GALNTL6: variants seen among roughly 807,000 people sequenced by gnomAD.
GALNTL6 encodes polypeptide N-acetylgalactosaminyltransferase-like 6.
GALNTL6 carries 46 observed loss-of-function variants against 73.7 expected under a neutral mutation model. The ratio of observed to expected loss-of-function variants is 0.62; its 90% CI spans 0.49 to 0.80. The LOEUF (loss-of-function observed/expected upper bound fraction) is 0.80, where lower values mean the gene tolerates loss of function less well. Among genes scored for constraint, GALNTL6 ranks in the 30% least tolerant of loss-of-function variants. The pLI, the probability that GALNTL6 is intolerant of heterozygous loss-of-function variation, is 0.00. For missense variants in GALNTL6, 604 were observed against 755.0 expected (o/e 0.80, Z 2.34); for synonymous variants, 259 against 263.7 (o/e 0.98, Z 0.17).
chr4:172,033,701 T>C (rs1318951987), intron 2 of GALNTL6, among the ~76,000 whole-genome samples: 1 of 152,156 alleles, frequency 6.6e-6, no homozygotes, highest in Non-Finnish European at 1.5e-5. Context: ...TAAATTTGGA[T>C]TGAACACAGC....
chr4:171,920,482 C>A (rs114194391), intron 2 of GALNTL6, among the ~76,000 whole-genome samples: 2,393 of 151,804 alleles, frequency 0.016, 67 homozygotes, highest in African/African-American at 0.055. Flanking sequence ...TGTAGGAGTC[C>A]TAACTAACTA....
At chr4:172,056,816 A>T (rs1367566432) in intron 2 of GALNTL6, among the ~76,000 whole-genome samples, 1 of 152,048 alleles carries the variant, frequency 6.6e-6, no homozygotes, top group East Asian at 1.9e-4. Context: ...TTTCATCAGT[A>T]TGCAAAAAAA....
At chr4:172,286,581 G>T (rs1482500541) in intron 3 of GALNTL6, among the ~76,000 whole-genome samples, 1 of 152,204 alleles carries the variant, frequency 6.6e-6, no homozygotes, top group African/African-American at 2.4e-5. Flanking sequence ...ATGGGCTAAT[G>T]ATTTTGGAGA....
At chr4:172,802,429 T>G (rs1270962698) in intron 5 of GALNTL6, among the ~76,000 whole-genome samples, 1 of 151,946 alleles carries the variant, frequency 6.6e-6, no homozygotes, top group Non-Finnish European at 1.5e-5. Context: ...CTGAAGAAAC[T>G]CCCCAGACCT....
intron 10 of GALNTL6, among the ~76,000 whole-genome samples, chr4:172,981,845 C>G (rs1040826142): frequency 7.0e-6 from 1 of 143,356 alleles, no homozygotes; most frequent in Non-Finnish European, 1.5e-5. Flanking sequence ...TCTTGTTGCC[C>G]AGGCTGGAGT....
At position 172,757,767 on chromosome 4, in the gene GALNTL6, A is replaced by G. The variant is rs139957154; in HGVS notation, c.554-51594A>G. The stretch of plus-strand genomic sequence containing the variant: ...CTACATAAACAATTGAATGTGGTCT[A>G]CCTTTTCAAATGGAAAGTAAATGTT... On this transcript the variant is annotated intron_variant, in intron 5 of 12. Transcript: ENST00000506823. Among the ~76,000 whole-genome samples the G allele has an allele frequency of 4.6e-5, 7 of 152,346 alleles. No homozygotes were observed. In the East Asian group the frequency reaches 1.3e-3, roughly 29 times the overall value.
At position 172,533,561 on chromosome 4, in the gene GALNTL6, G is replaced by A. The variant is rs1735243597; in HGVS notation, c.553+184872G>A. Among the ~76,000 whole-genome samples the A allele has an allele frequency of 2.0e-5, 3 of 151,860 alleles. No individual in the cohort carries two copies. The South Asian group carries it at 6.2e-4, about 32-fold the overall frequency. On this transcript the variant is annotated intron_variant, in intron 5 of 12. Transcript: ENST00000506823. The stretch of plus-strand genomic sequence containing the variant: ...GCTGGTCTTGAACTCCTTACTTCAT[G>A]ATCCACCCGCCTCAGCCTCCAAGTG...
intron 5 of GALNTL6, among the ~76,000 whole-genome samples, chr4:172,490,866 C>T (rs933041314): frequency 2.0e-5 from 3 of 152,206 alleles, no homozygotes; most frequent in Admixed American, 1.3e-4. Context: ...CATAAAGTCA[C>T]GTTGAAGACT....
At chr4:171,925,537 T>C (rs895969302) in intron 2 of GALNTL6, among the ~76,000 whole-genome samples, 1 of 152,200 alleles carries the variant, frequency 6.6e-6, no homozygotes, top group African/African-American at 2.4e-5. Flanking sequence ...ATTTCAGGCT[T>C]GTATACAGAA....
At position 172,809,377 on chromosome 4, in the gene GALNTL6, A is replaced by G. The variant is rs1741156625; in HGVS notation, c.570A>G (p.Lys190=). ...DFSEREHLKD[K]LEEYMARFSK... is the part of the protein sequence containing the mutation. ...CCTACCTAGAACACCTGAAGGATAA[A>G]TTGGAAGAATACATGGCCCGATTTT... is the stretch of plus-strand genomic sequence containing the variant. Residue 190 remains lysine, a synonymous_variant, in exon 6 of 13, where the codon AAA becomes AAG. Transcript: ENST00000506823. This position sits in a 1 kb window ranked among gnomAD's most constrained non-coding sequence, Gnocchi z 4.4. The G allele has an allele frequency of 6.2e-7, 1 of 1,613,700 alleles. No homozygotes were observed. Among genetic ancestry groups the G allele is most frequent in the Non-Finnish European group, 8.5e-7 (1 of 1,179,752 alleles).
At chr4:171,904,367 T>C (rs1737204524) in intron 2 of GALNTL6, among the ~76,000 whole-genome samples, 1 of 152,194 alleles carries the variant, frequency 6.6e-6, no homozygotes, top group South Asian at 2.1e-4. Context: ...CAGGAGCCGA[T>C]GCGATCAACT....
chr4:172,681,322 A>T (rs1732622445), intron 5 of GALNTL6, among the ~76,000 whole-genome samples: 2 of 151,154 alleles, frequency 1.3e-5, no homozygotes, highest in South Asian at 2.1e-4. Flanking sequence ...TTAATAGATT[A>T]AAAAAAACTC....
At chr4:172,146,817 T>C (rs1023767113) in intron 2 of GALNTL6, among the ~76,000 whole-genome samples, 5 of 152,328 alleles carry the variant, frequency 3.3e-5, no homozygotes, top group African/African-American at 9.6e-5. Flanking sequence ...TAAGATAATT[T>C]GGGATTCAAC....
chr4:172,009,893 A>G (rs1326931432), intron 2 of GALNTL6, among the ~76,000 whole-genome samples: 1 of 152,108 alleles, frequency 6.6e-6, no homozygotes. Context: ...TGTAGATATT[A>G]CTGCAGCACA....
intron 2 of GALNTL6, among the ~76,000 whole-genome samples, chr4:171,973,727 A>G (rs1296406228): frequency 1.3e-5 from 2 of 152,196 alleles, no homozygotes; most frequent in African/African-American, 4.8e-5. Context: ...AAGGAAGAGC[A>G]GTGTTAAAAC....
intron 5 of GALNTL6, among the ~76,000 whole-genome samples, chr4:172,382,538 C>T (rs28487983): frequency 0.24 from 35,858 of 151,696 alleles, 4,717 homozygotes; most frequent in East Asian, 0.36. Context: ...GCATATTCTT[C>T]TATTGTGTGC....
chr4:172,193,936 A>G (rs1241326098), intron 2 of GALNTL6, among the ~76,000 whole-genome samples: 3 of 152,288 alleles, frequency 2.0e-5, no homozygotes, highest in East Asian at 1.9e-4. Flanking sequence ...CTCTTCTCCA[A>G]ATGATCGCAA....
intron 2 of GALNTL6, among the ~76,000 whole-genome samples, chr4:172,169,653 A>G (rs1475076676): frequency 6.6e-6 from 1 of 152,172 alleles, no homozygotes; most frequent in Non-Finnish European, 1.5e-5. Flanking sequence ...CACAACTCAT[A>G]TGGCAATCTC....
chr4:172,874,513 G>A (rs1335159593), intron 7 of GALNTL6, among the ~76,000 whole-genome samples: 4 of 152,186 alleles, frequency 2.6e-5, no homozygotes, highest in Non-Finnish European at 5.9e-5. Flanking sequence ...TCCCCATCCT[G>A]ATAGTGTTAT....
Sources: gnomAD v4.1 joint callset for allele counts (sites outside exome capture counted in the v4.1 genomes callset) on GRCh38, gnomAD v4.1.1 for gene constraint, Gnocchi (gnomAD v3.1) non-coding constraint, MANE v1.5 for transcripts, NCBI Gene and HGNC (gene_info 2026-07-23, HGNC 2026-07-21) for gene names.